DCAF6: variants seen among roughly 807,000 people sequenced by gnomAD.
DCAF6 encodes the protein DDB1 and CUL4 associated factor 6, also known as DDB1- and CUL4-associated factor 6.
Under a neutral mutation model 125.1 loss-of-function variants are expected in DCAF6, and 54 were observed. That is an observed-to-expected ratio of 0.43 (90% confidence interval 0.35 to 0.54). The LOEUF is 0.54. Among genes scored for constraint, DCAF6 ranks in the 20% least tolerant of loss-of-function variants. The pLI is 0.01. For synonymous variants in DCAF6, 371 were observed against 390.4 expected (o/e 0.95, Z 0.58); for missense variants, 934 against 1,161.7 (o/e 0.80, Z 2.85).
At chr1:168,030,458 G>T (rs1686929942) in intron 12 of DCAF6, among the ~76,000 whole-genome samples, 1 of 152,234 alleles carries the variant, frequency 6.6e-6, no homozygotes, top group Non-Finnish European at 1.5e-5. Context: ...CTAATGAAGT[G>T]TTTAAATTAG....
At chr1:167,927,345 A>C in the DCAF6 span, among the ~76,000 whole-genome samples, 3 of 152,286 alleles carry the variant, frequency 2.0e-5, no homozygotes, top group African/African-American at 7.2e-5. Flanking sequence ...AACTCTCTGG[A>C]AATTTAGGGT....
intron 3 of DCAF6, 96 bp downstream of exon 3, chr1:167,966,817 T>A: frequency 1.4e-6 from 1 of 738,530 alleles, no homozygotes; most frequent in Non-Finnish European, 2.3e-6. Flanking sequence ...TGGGCATTTA[T>A]ATTAGAATAT....
chr1:167,870,992 T>C, the DCAF6 span, among the ~76,000 whole-genome samples: 1 of 152,134 alleles, frequency 6.6e-6, no homozygotes, highest in Non-Finnish European at 1.5e-5. Context: ...AATGTTTAAT[T>C]ATAGTGTAGA....
chr1:167,893,793 A>G, the DCAF6 span: 4 of 1,195,466 alleles, frequency 3.3e-6, no homozygotes, highest in South Asian at 5.0e-5. Context: ...TAAATCTTAA[A>G]ATTCCAGCTG....
At chr1:167,992,497 G>A (rs914300441) in intron 6 of DCAF6, among the ~76,000 whole-genome samples, 2 of 151,998 alleles carry the variant, frequency 1.3e-5, no homozygotes, top group Admixed American at 1.3e-4. Flanking sequence ...CAGTCTATTT[G>A]GATATGTACA....
At chr1:168,068,300 C>A in intron 20 of DCAF6, 58 bp from the exon 21 acceptor site, 1 of 1,282,634 alleles carries the variant, frequency 7.8e-7, no homozygotes, top group Non-Finnish European at 1.1e-6. Flanking sequence ...GCCTGATCTT[C>A]AAGGAAAAAA....
At chr1:168,027,972 GT>G (rs1686561785) in intron 12 of DCAF6, among the ~76,000 whole-genome samples, 1 of 152,030 alleles carries the variant, frequency 6.6e-6, no homozygotes, top group South Asian at 2.1e-4. Context: ...GTTATTAATT[GT>G]ATCCTATTAT....
chr1:168,009,389 T>TCCTTTCTTTCTTTCTTTC (rs1259860523), intron 10 of DCAF6, among the ~76,000 whole-genome samples: 1 of 133,186 alleles, frequency 7.5e-6, no homozygotes, highest in Non-Finnish European at 1.6e-5. Flanking sequence ...CTTCCTTCCT[T>TCCTTTCTTTCTTTCTTTC]TCTTTCTTTC....
chr1:168,043,207 C>G, intron 14 of DCAF6, 67 bp downstream of exon 14: 2 of 1,132,266 alleles, frequency 1.8e-6, no homozygotes, highest in Non-Finnish European at 2.6e-6. Context: ...CTTTCCTGTT[C>G]CCTTCGATGC....
chr1:167,916,303 T>C, the DCAF6 span, among the ~76,000 whole-genome samples: 3 of 152,160 alleles, frequency 2.0e-5, no homozygotes, highest in African/African-American at 4.8e-5. Flanking sequence ...GCCTCCTGGG[T>C]TGAAGTGATT....
chr1:167,893,051 A>G, the DCAF6 span, among the ~76,000 whole-genome samples: 1 of 152,232 alleles, frequency 6.6e-6, no homozygotes, highest in African/African-American at 2.4e-5. Context: ...AGATAGTTAT[A>G]ATTCACATGG....
At chr1:168,032,221 T>G (rs1363620337) in intron 12 of DCAF6, among the ~76,000 whole-genome samples, 2 of 152,234 alleles carry the variant, frequency 1.3e-5, no homozygotes, top group Non-Finnish European at 2.9e-5. Flanking sequence ...ATAGTATCAC[T>G]TCTGTTTTAT....
intron 16 of DCAF6, among the ~76,000 whole-genome samples, chr1:168,045,674 A>G (rs1484114499): frequency 1.3e-5 from 2 of 152,138 alleles, no homozygotes; most frequent in Non-Finnish European, 2.9e-5. Flanking sequence ...TTTTGGGAAC[A>G]CTGTTTTTCT....
At chr1:167,920,706 A>C in the DCAF6 span, 3 of 1,432,072 alleles carry the variant, frequency 2.1e-6, no homozygotes, top group Non-Finnish European at 2.8e-6. Flanking sequence ...ATCAAGCACA[A>C]GACATTTTTG....
At chr1:167,931,716 AT>A (rs1310557467), upstream of DCAF6, among the ~76,000 whole-genome samples, 5 of 152,260 alleles carry the variant, frequency 3.3e-5, no homozygotes, top group East Asian at 9.6e-4. Flanking sequence ...TTATTTACAT[AT>A]AATAGAACAA....
At chr1:168,061,041 G>T (rs1159552422) in intron 17 of DCAF6, among the ~76,000 whole-genome samples, 2 of 152,040 alleles carry the variant, frequency 1.3e-5, no homozygotes, top group Non-Finnish European at 2.9e-5. Context: ...TCACATGTTT[G>T]TAACTGATTC....
the DCAF6 span, among the ~76,000 whole-genome samples, chr1:167,888,652 G>A: frequency 6.6e-6 from 1 of 151,954 alleles, no homozygotes; most frequent in Non-Finnish European, 1.5e-5. Context: ...CGAGGCGGGC[G>A]GATCACGAGG....
chr1:167,894,608 T>C, the DCAF6 span, among the ~76,000 whole-genome samples: 4 of 151,128 alleles, frequency 2.6e-5, no homozygotes, highest in South Asian at 2.1e-4. Flanking sequence ...AAAATGATAA[T>C]GTGAAAAAAA....
intron 17 of DCAF6, among the ~76,000 whole-genome samples, chr1:168,058,694 A>G (rs1691211166): frequency 6.6e-6 from 1 of 152,104 alleles, no homozygotes; most frequent in Admixed American, 6.5e-5. Flanking sequence ...TTAGCCTCCC[A>G]GGTAGCTGGG....
Sources: allele counts gnomAD v4.1 joint callset (sites outside exome capture counted in the v4.1 genomes callset), GRCh38; gene constraint gnomAD v4.1.1; transcripts MANE v1.5; gene names NCBI Gene and HGNC (gene_info 2026-07-23, HGNC 2026-07-21).